RASEF: variants seen among roughly 807,000 people sequenced by gnomAD.
RASEF encodes the protein RAS and EF-hand domain containing, also known as ras and EF-hand domain-containing protein.
In RASEF, 68 loss-of-function variants were observed where a neutral mutation model predicts 90.1. That is an observed-to-expected ratio of 0.75 (90% confidence interval 0.62 to 0.92). RASEF has a LOEUF of 0.92. Among genes scored for constraint, RASEF ranks in the 40% least tolerant of loss-of-function variants. RASEF has a pLI of 0.00. For missense variants in RASEF, 949 were observed against 937.2 expected (o/e 1.01, Z -0.16); for synonymous variants, 331 against 345.2 (o/e 0.96, Z 0.46).
chr9:83,074,402 T>A, the RASEF span, among the ~76,000 whole-genome samples: 2 of 151,468 alleles, frequency 1.3e-5, no homozygotes, highest in Non-Finnish European at 3.0e-5. Context: ...GTCACCTGTC[T>A]GTGTTTAGTG....
chr9:83,049,534 T>TAGCCCATGACAATGCACACAG (rs1167084437), intron 1 of RASEF, among the ~76,000 whole-genome samples: 1 of 143,694 alleles, frequency 7.0e-6, no homozygotes, highest in African/African-American at 2.6e-5. Flanking sequence ...CCTTCCTTTT[T>TAGCCCATGACAATGCACACAG]TTTTTTTTTT....
chr9:83,092,044 G>GT, the RASEF span, among the ~76,000 whole-genome samples: 4 of 54,580 alleles, frequency 7.3e-5, no homozygotes, highest in East Asian at 6.3e-4. Context: ...TATTTATCTT[G>GT]TTTTTTGCAT....
the RASEF span, among the ~76,000 whole-genome samples, chr9:83,087,208 C>A: frequency 6.6e-6 from 1 of 152,048 alleles, no homozygotes; most frequent in Non-Finnish European, 1.5e-5. Context: ...GTTAAAGTTA[C>A]CTTGCTGTGG....
chr9:83,054,868 G>C, intron 1 of RASEF: 1 of 151,686 alleles, frequency 6.6e-6, no homozygotes, highest in East Asian at 1.9e-4. Context: ...GGGGTCAGGG[G>C]TCAGGGACCC....
chr9:83,215,930 C>T, the RASEF span, among the ~76,000 whole-genome samples: 6 of 152,096 alleles, frequency 3.9e-5, no homozygotes, highest in Non-Finnish European at 5.9e-5. Context: ...TCCAGGCTAA[C>T]GTGGTCTCAG....
the RASEF span, among the ~76,000 whole-genome samples, chr9:83,195,990 T>G: frequency 6.6e-6 from 1 of 151,942 alleles, no homozygotes; most frequent in Non-Finnish European, 1.5e-5. Context: ...CCAGAGAGAA[T>G]GGCAACTTGG....
At chr9:83,007,752 C>T (rs137973925) in intron 6 of RASEF, among the ~76,000 whole-genome samples, 1 of 152,270 alleles carries the variant, frequency 6.6e-6, no homozygotes, top group African/African-American at 2.4e-5. Flanking sequence ...TCCGACATCA[C>T]AAGCCTAGAG....
chr9:83,119,773 C>T, the RASEF span, among the ~76,000 whole-genome samples: 2 of 152,160 alleles, frequency 1.3e-5, no homozygotes, highest in East Asian at 1.9e-4. Context: ...AAATCTTTCC[C>T]GTGCTGTTCT....
the RASEF span, among the ~76,000 whole-genome samples, chr9:83,092,665 T>C: frequency 6.6e-6 from 1 of 152,152 alleles, no homozygotes; most frequent in Non-Finnish European, 1.5e-5. Context: ...TTCCACTGTG[T>C]GGAAGGGGAC....
chr9:83,212,905 C>G, the RASEF span, among the ~76,000 whole-genome samples: 2 of 152,032 alleles, frequency 1.3e-5, no homozygotes, highest in Non-Finnish European at 2.9e-5. Context: ...GGAAAGAAAA[C>G]AGAAGCGTAA....
chr9:83,001,328 GAT>G (rs1292697179), intron 9 of RASEF, among the ~76,000 whole-genome samples, 198 bp from the exon 10 acceptor site: 2 of 151,990 alleles, frequency 1.3e-5, no homozygotes, highest in African/African-American at 4.8e-5. Context: ...AATCAGTTAA[GAT>G]AAAGAACCTT....
chr9:83,141,947 G>A, the RASEF span, among the ~76,000 whole-genome samples: 2 of 152,114 alleles, frequency 1.3e-5, no homozygotes, highest in East Asian at 3.9e-4. Context: ...CACTTACCAT[G>A]GGTACATTTT....
At chr9:83,140,010 T>C in the RASEF span, among the ~76,000 whole-genome samples, 1 of 152,178 alleles carries the variant, frequency 6.6e-6, no homozygotes, top group Non-Finnish European at 1.5e-5. Flanking sequence ...GAATTAGTAC[T>C]AACTGTAATG....
the RASEF span, among the ~76,000 whole-genome samples, chr9:83,119,348 C>T: frequency 6.6e-6 from 1 of 151,988 alleles, no homozygotes; most frequent in African/African-American, 2.4e-5. Flanking sequence ...AAGGCTGAAA[C>T]TTTACTAAAA....
the RASEF span, among the ~76,000 whole-genome samples, chr9:83,134,647 C>T: frequency 6.6e-6 from 1 of 152,078 alleles, no homozygotes; most frequent in African/African-American, 2.4e-5. Context: ...GTAAGAGCTA[C>T]CTACAATGGG....
Position 83,062,514 on chromosome 9 carries a change from C to T in RASEF, c.354G>A (p.Ser118=), listed in dbSNP as rs773804973. Residue 118 remains serine, a synonymous_variant, in exon 1 of 17, where the codon TCG becomes TCA. Transcript: ENST00000376447. ...DEDAAAALAT[S]CGPASPGRAW... Reference sequence around the variant, plus strand: ...CCCGGCCGGGACTCGCCGGGCCGCACGAGGTGGCCAGCGCCGCCGCCGCGT... The same window carrying T: ...CCCGGCCGGGACTCGCCGGGCCGCATGAGGTGGCCAGCGCCGCCGCCGCGT... The T allele has an allele frequency of 6.2e-7, 1 of 1,610,520 alleles. No individual in the cohort carries two copies. Among genetic ancestry groups the T allele is most frequent in the Non-Finnish European group, 8.5e-7 (1 of 1,178,850 alleles).
chr9:83,088,895 G>C, the RASEF span, among the ~76,000 whole-genome samples: 1 of 151,912 alleles, frequency 6.6e-6, no homozygotes, highest in Non-Finnish European at 1.5e-5. Flanking sequence ...TTTAAGTAGA[G>C]ATTTTAATCC....
chr9:83,088,533 A>G, the RASEF span, among the ~76,000 whole-genome samples: 1 of 151,996 alleles, frequency 6.6e-6, no homozygotes. Flanking sequence ...TCTCCAATCA[A>G]TATTGCTGAA....
the RASEF span, among the ~76,000 whole-genome samples, chr9:83,173,629 A>C: frequency 2.6e-5 from 4 of 151,770 alleles, no homozygotes; most frequent in African/African-American, 9.7e-5. Context: ...CTTTGATAGC[A>C]TTCTGAATTC....
Sources: gnomAD v4.1 joint callset for allele counts (sites outside exome capture counted in the v4.1 genomes callset) on GRCh38, gnomAD v4.1.1 for gene constraint, MANE v1.5 for transcripts, NCBI Gene and HGNC (gene_info 2026-07-23, HGNC 2026-07-21) for gene names.